Variants in ANKRD46 observed in about 807,000 individuals in gnomAD.
The protein encoded by ANKRD46 is ankyrin repeat domain 46.
A neutral mutation model predicts 19.8 loss-of-function variants in ANKRD46; 13 were observed. The ratio of observed to expected loss-of-function variants is 0.66; its 90% CI spans 0.43 to 1.04. ANKRD46 has a LOEUF of 1.04. Among genes scored for constraint, ANKRD46 ranks in the 50% least tolerant of loss-of-function variants. The probability of loss-of-function intolerance (pLI) is 0.00; values close to 1 mark genes in which losing one functional copy is unlikely to be tolerated. For synonymous variants in ANKRD46, 91 were observed against 106.9 expected (o/e 0.85, Z 0.92); for missense variants, 185 against 274.8 (o/e 0.67, Z 2.31).
chr8:100,546,226 CAG>C lies in ANKRD46; in HGVS notation c.-130-12917_-130-12916del, dbSNP rs1303853573. ...TGGGAAAAATTTCCCCAAGGCATGT[CAG>C]AGATCTTCATGGCAGCCCCTCCCAT... On this transcript the variant is annotated intron_variant, in intron 1 of 4. Coordinates refer to ENST00000335659, the MANE Select transcript of ANKRD46 (RefSeq NM_001270377.2). This position sits in a 1 kb window ranked among gnomAD's most constrained non-coding sequence, Gnocchi z 4.0. Among the ~76,000 whole-genome samples the C allele has an allele frequency of 2.0e-5, 3 of 152,346 alleles. No homozygotes were observed. The highest frequency in any genetic ancestry group is 3.9e-4 in the East Asian group (2 of 5,182).
intron 1 of ANKRD46, among the ~76,000 whole-genome samples, chr8:100,538,079 C>A (rs1414992523): frequency 1.3e-5 from 2 of 152,144 alleles, no homozygotes; most frequent in African/African-American, 2.4e-5. Context: ...GACTGCAATG[C>A]CTGGCACATT....
downstream of ANKRD46, among the ~76,000 whole-genome samples, chr8:100,519,801 C>CTGTATAGTTCGTTCATGAA (rs1250050869): frequency 6.6e-6 from 1 of 152,144 alleles, no homozygotes; most frequent in Non-Finnish European, 1.5e-5. Context: ...AAGCTACAGG[C>CTGTATAGTTCGTTCATGAA]GCACTGTGGA....
intron 5 of ANKRD46, among the ~76,000 whole-genome samples, chr8:100,515,711 G>A (rs1489013205): frequency 2.0e-5 from 3 of 151,964 alleles, no homozygotes; most frequent in African/African-American, 7.3e-5. Flanking sequence ...TATGGAAGAG[G>A]GAAGAACAAC....
At chr8:100,531,144 T>C (rs1429114912) in intron 2 of ANKRD46, among the ~76,000 whole-genome samples, 1 of 152,192 alleles carries the variant, frequency 6.6e-6, no homozygotes, top group Non-Finnish European at 1.5e-5. Context: ...TTAAAGCCTG[T>C]CAAAAGAAAC....
At chr8:100,541,419 T>C (rs1049220850) in intron 1 of ANKRD46, among the ~76,000 whole-genome samples, 5 of 152,288 alleles carry the variant, frequency 3.3e-5, no homozygotes, top group African/African-American at 7.2e-5. Flanking sequence ...GAAGCTTAAC[T>C]GTAGTAGTCA....
chr8:100,555,722 T>TAAAAAAAAAAAAAA lies in ANKRD46; in HGVS notation c.-131+3975_-131+3988dup, dbSNP rs59521764. On this transcript the variant is annotated intron_variant, in intron 1 of 4. Coordinates refer to ENST00000335659, the MANE Select transcript of ANKRD46 (RefSeq NM_001270377.2). ...GCACCAACTTAATATTTTCCTCAGC[T>TAAAAAAAAAAAAAA]AAAAAAAAAAAAAAAAAAAAAAAAA... Among the ~76,000 whole-genome samples, 91 of 53,306 alleles carry TAAAAAAAAAAAAAA rather than the reference T, an allele frequency of 1.7e-3. 10 individuals carry two copies. The highest frequency in any genetic ancestry group is 0.012 in the Middle Eastern group (1 of 82). The allele number at this position is 53,306 out of a possible 152,430, so 35.0% of individuals were successfully genotyped here. A position where few individuals can be genotyped will look rare whatever the true frequency, so the allele number is the denominator to read the frequency against.
rs1812159678 is a variant in ANKRD46 at position 100,540,776 on chromosome 8, T to C, written c.-130-7465A>G. On this transcript the variant is annotated intron_variant, in intron 1 of 4. Transcript: ENST00000335659. ...AAAGGAATGCTGGTTATTTTGGATA[T>C]TCTATTTCACATTCTAATATCTTAG... Among the ~76,000 whole-genome samples, 4 of 152,292 alleles carry C rather than the reference T, an allele frequency of 2.6e-5. 1 individual carries two copies. The South Asian group carries it at 8.3e-4, about 32-fold the overall frequency.
At chr8:100,538,144 A>C (rs1812100950) in intron 1 of ANKRD46, among the ~76,000 whole-genome samples, 1 of 152,106 alleles carries the variant, frequency 6.6e-6, no homozygotes, top group Admixed American at 6.5e-5. Flanking sequence ...CTGAATGTAC[A>C]CTCGATTAAG....
In ANKRD46 at chr8:100,515,757, T is replaced by C. The variant is rs118032638; in HGVS notation, c.637-5118A>G. On this transcript the variant is annotated intron_variant, in intron 5 of 5. Transcript: ENST00000520552. ...TGGATTCAAATAATGGTTCTGCTCC[T>C]TTCCTAAGAATGGGACCACAGTCAT... is the stretch of plus-strand genomic sequence containing the variant. Among the ~76,000 whole-genome samples the C allele has an allele frequency of 7.9e-5, 12 of 152,278 alleles. No individual in the cohort carries two copies. The East Asian group carries it at 2.3e-3, about 29-fold the overall frequency.
chr8:100,553,574 C>A (rs1586805257), intron 1 of ANKRD46, among the ~76,000 whole-genome samples: 1 of 152,202 alleles, frequency 6.6e-6, no homozygotes, highest in South Asian at 2.1e-4. Context: ...TATAGTGAAA[C>A]CCCGTCTCCA....
chr8:100,522,311 G>A lies in ANKRD46; in HGVS notation c.*244C>T, dbSNP rs148262169. 4.6e-4 allele frequency: 610 copies of A among 1,323,794 alleles called. 8 individuals are homozygous for A. The South Asian group carries it at 8.0e-3, about 17-fold the overall frequency. 82.0% of individuals were successfully genotyped at this position (1,323,794 alleles called of 1,614,324 possible). ...CCGTGTTTTTATCAAACAAGGCTAC[G>A]TGTAGGCTTTCCTACAAAGTCAGGT... On this transcript the variant is annotated 3_prime_UTR_variant, in exon 5 of 5. Transcript: ENST00000335659.
At chr8:100,526,652 T>G (rs987534914) in intron 4 of ANKRD46, among the ~76,000 whole-genome samples, 2 of 152,160 alleles carry the variant, frequency 1.3e-5, no homozygotes, top group Admixed American at 1.3e-4. Flanking sequence ...TGTATTAAAG[T>G]GCTTGAAAGT....
At position 100,527,027 on chromosome 8, in the gene ANKRD46, A is replaced by C. The variant is rs1262992979; in HGVS notation, c.470+818T>G. Among the ~76,000 whole-genome samples, 1 of 152,176 alleles carries C rather than the reference A, an allele frequency of 6.6e-6. No homozygotes were observed. The highest frequency in any genetic ancestry group is 2.4e-5 in the African/African-American group (1 of 41,450). On this transcript the variant is annotated intron_variant, in intron 4 of 4. Coordinates refer to ENST00000335659, the MANE Select transcript of ANKRD46 (RefSeq NM_001270377.2). This position sits in a 1 kb window ranked among gnomAD's most constrained non-coding sequence, Gnocchi z 4.0. Reference sequence around the variant, plus strand: ...CTGAAACTGCATGGTGGTCAACCAGATAATATGCTACTAGAACTAAGTCTG... The same window carrying C: ...CTGAAACTGCATGGTGGTCAACCAGCTAATATGCTACTAGAACTAAGTCTG...
intron 1 of ANKRD46, chr8:100,551,345 G>C: frequency 1.7e-6 from 1 of 572,510 alleles, no homozygotes; most frequent in Non-Finnish European, 3.3e-6. Flanking sequence ...CATCAGCAGA[G>C]GGGGTAGAGA....
At chr8:100,522,904 CATATAT>C (rs59062296) in intron 4 of ANKRD46, 133 bp from the exon 5 acceptor site, 3,486 of 303,812 alleles carry the variant, frequency 0.011, 93 homozygotes, top group Middle Eastern at 0.018. Context: ...CACACACACA[CATATAT>C]ATATATACAC....
chr8:100,555,491 A>G (rs1314125754), intron 1 of ANKRD46, among the ~76,000 whole-genome samples: 1 of 151,470 alleles, frequency 6.6e-6, no homozygotes, highest in Non-Finnish European at 1.5e-5. Flanking sequence ...TAAAAAAAAA[A>G]AGACTATAAG....
intron 2 of ANKRD46, among the ~76,000 whole-genome samples, chr8:100,531,155 T>C (rs780245462): frequency 6.6e-6 from 1 of 152,144 alleles, no homozygotes; most frequent in Non-Finnish European, 1.5e-5. Flanking sequence ...CAAAAGAAAC[T>C]TCGCTAGGAA....
downstream of ANKRD46, among the ~76,000 whole-genome samples, chr8:100,518,410 T>C (rs956674226): frequency 6.6e-6 from 1 of 152,224 alleles, no homozygotes; most frequent in Admixed American, 6.5e-5. Flanking sequence ...TAGAATTATG[T>C]TGATGACTTA....
At chr8:100,555,589 C>G (rs1812480125) in intron 1 of ANKRD46, among the ~76,000 whole-genome samples, 1 of 149,090 alleles carries the variant, frequency 6.7e-6, no homozygotes, top group Admixed American at 6.7e-5. Flanking sequence ...AGAAGCTATG[C>G]AAAAGAAAAA....
Sources: allele counts gnomAD v4.1 joint callset (sites outside exome capture counted in the v4.1 genomes callset), GRCh38; gene constraint gnomAD v4.1.1; non-coding constraint Gnocchi (gnomAD v3.1); transcripts MANE v1.5; gene names NCBI Gene and HGNC (gene_info 2026-07-23, HGNC 2026-07-21).